MYH13: variants seen among roughly 807,000 people sequenced by gnomAD.
The protein encoded by MYH13 is myosin heavy chain 13.
In MYH13, 177 loss-of-function variants were observed where a neutral mutation model predicts 232.1. That is an observed-to-expected ratio of 0.76 (90% confidence interval 0.67 to 0.86). The LOEUF (loss-of-function observed/expected upper bound fraction) is 0.86. MYH13 is among the 40% of genes least tolerant of loss of function. The pLI is 0.00. For missense variants in MYH13, 2,246 were observed against 2,405.9 expected, an observed-to-expected ratio of 0.93 and a Z score of 1.39; for synonymous variants, 884 against 923.5, an observed-to-expected ratio of 0.96 and a Z score of 0.78.
chr17:10,350,414 C>A lies in MYH13; in HGVS notation c.1144+142G>T, dbSNP rs1597386858. 4 of 1,213,240 alleles carry A rather than the reference C, an allele frequency of 3.3e-6. No individual in the cohort carries two copies. In the African/African-American group the frequency reaches 4.6e-5, roughly 14 times the overall value. 75.2% of individuals were successfully genotyped at this position (1,213,240 alleles called of 1,614,324 possible). ...TGAGCAGACTTCCTAGTGCATGCTA[C>A]AATGAGCTTCAGGAAACCCAGATTT... On this transcript the variant is annotated intron_variant, in intron 12 of 40. Transcript: ENST00000252172.
At chr17:10,369,715 C>A (rs1210700758) in intron 2 of MYH13, among the ~76,000 whole-genome samples, 2 of 152,162 alleles carry the variant, frequency 1.3e-5, no homozygotes, top group Non-Finnish European at 2.9e-5. Context: ...TTCATTTACT[C>A]TAACCGTGAC....
chr17:10,343,258 T>C (rs1384275330), intron 16 of MYH13, among the ~76,000 whole-genome samples: 1 of 152,070 alleles, frequency 6.6e-6, no homozygotes, highest in African/African-American at 2.4e-5. Flanking sequence ...AGGGCAGTGA[T>C]GCAAACTCCA....
Position 10,340,337 on chromosome 17 carries a change from G to A in MYH13, c.1959C>T (p.Ala653=), listed in dbSNP as rs747383501. 8 of 1,613,718 alleles carry A rather than the reference G, an allele frequency of 5.0e-6. No individual in the cohort carries two copies. Among genetic ancestry groups the A allele is most frequent in the South Asian group, 1.1e-5 (1 of 91,008 alleles). Residue 653 remains alanine, a synonymous_variant, in exon 17 of 41, where the codon GCC becomes GCT. Transcript: ENST00000252172. The part of the protein sequence containing the change: ...KKGSSFQTVS[A]VFRENLNKLM... ...CTGCCAAAACACCAACCCTGAACAC[G>A]GCCGACACGGTCTGGAAAGAGGAGC...
At chr17:10,318,215 C>T (rs1046672687) in intron 27 of MYH13, among the ~76,000 whole-genome samples, 2 of 152,200 alleles carry the variant, frequency 1.3e-5, no homozygotes, top group Non-Finnish European at 2.9e-5. Flanking sequence ...GCAATCCAGC[C>T]TGGGGAACAA....
At chr17:10,331,197 T>C (rs2142245667) in intron 20 of MYH13, among the ~76,000 whole-genome samples, 1 of 152,246 alleles carries the variant, frequency 6.6e-6, no homozygotes, top group South Asian at 2.1e-4. Flanking sequence ...ATGCGTTGGC[T>C]TCACCCTCTT....
intron 39 of MYH13, 112 bp downstream of exon 39, chr17:10,303,084 A>G: frequency 1.2e-6 from 1 of 867,042 alleles, no homozygotes; most frequent in Non-Finnish European, 1.9e-6. Flanking sequence ...GCCTGCAAAT[A>G]CAAACTCAGG....
intron 33 of MYH13, 143 bp from the exon 34 acceptor site, chr17:10,309,973 G>C: frequency 1.5e-6 from 1 of 647,238 alleles, no homozygotes; most frequent in Non-Finnish European, 2.4e-6. Flanking sequence ...GTAGAGACAG[G>C]GTCTGTGTTG....
In MYH13 at chr17:10,306,656, A is replaced by T. The variant is rs1037575521; in HGVS notation, c.5296-27T>A. On this transcript the variant is annotated intron_variant, in intron 36 of 40. Coordinates refer to ENST00000252172, the MANE Select transcript of MYH13 (RefSeq NM_003802.3). The surrounding 1 kb of genome is among the most constrained non-coding windows in gnomAD (Gnocchi z 4.3). ...TGGTTAAGTTCACAGGACACATCAG[A>T]GGCCCTGTCCGCCCATCCCTACCCA... 11 of 1,613,160 alleles carry T rather than the reference A, an allele frequency of 6.8e-6. No individual in the cohort carries two copies. Among genetic ancestry groups the T allele is most frequent in the Non-Finnish European group, 9.3e-6 (11 of 1,179,822 alleles).
intron 24 of MYH13, 126 bp from the exon 25 acceptor site, chr17:10,320,622 C>G (rs900195306): frequency 1.9e-6 from 2 of 1,050,652 alleles, no homozygotes; most frequent in Non-Finnish European, 2.7e-6. Flanking sequence ...CTGCAAGCCT[C>G]TGGCCCCAGG....
chr17:10,355,034 A>G, intron 9 of MYH13, 41 bp from the exon 10 acceptor site: 1 of 1,610,802 alleles, frequency 6.2e-7, no homozygotes, highest in Non-Finnish European at 8.5e-7. Flanking sequence ...CTCCCAAGAG[A>G]TGCTTTTGTG....
intron 5 of MYH13, 91 bp from the exon 6 acceptor site, chr17:10,360,279 G>C (rs1221058137): frequency 7.0e-7 from 1 of 1,431,812 alleles, no homozygotes; most frequent in Non-Finnish European, 9.6e-7. Context: ...GAGAACATAG[G>C]CTCTAGTTAA....
rs1418924623 is a variant in MYH13, at chr17:10,328,009, C to T, written c.2548G>A (p.Glu850Lys). The T allele has an allele frequency of 3.7e-6, 6 of 1,614,162 alleles. No homozygotes were observed. The highest frequency in any genetic ancestry group is 2.2e-5 in the East Asian group (1 of 44,882). ...IKPLLKSAEA[E>K]KEMATMKEDF... ...TCCTTCATGGTGGCCATCTCCTTCT[C>T]GGCCTCTGCACTCTTCAGCAGGGGC... Residue 850 changes from glutamate (E) to lysine (K), a missense_variant, in exon 22 of 41, where the codon GAG (glutamate) becomes AAG (lysine). Glu to Lys is a moderately conservative substitution (Grantham distance 56). Coordinates refer to ENST00000252172, the MANE Select transcript of MYH13 (RefSeq NM_003802.3).
At chr17:10,349,835 C>T (rs536512629) in intron 12 of MYH13, among the ~76,000 whole-genome samples, 3 of 152,214 alleles carry the variant, frequency 2.0e-5, no homozygotes, top group South Asian at 2.1e-4. Context: ...GAGTTTAAAG[C>T]GCACTGCTTC....
chr17:10,370,918 T>C (rs2071873385), intron 2 of MYH13, among the ~76,000 whole-genome samples: 1 of 152,198 alleles, frequency 6.6e-6, no homozygotes, highest in African/African-American at 2.4e-5. Context: ...TTGGACCCTA[T>C]GAACATCATG....
chr17:10,337,631 C>T (rs1041255490), intron 18 of MYH13, among the ~76,000 whole-genome samples: 53 of 152,180 alleles, frequency 3.5e-4, no homozygotes, highest in African/African-American at 1.3e-3. Context: ...TCTAAGGTGT[C>T]ACCAGGCTTC....
In MYH13 at chr17:10,327,851, G is replaced by A. The variant is rs1476414727; in HGVS notation, c.2691+15C>T. The A allele has an allele frequency of 1.2e-6, 2 of 1,603,138 alleles. No homozygotes were observed. The highest frequency in any genetic ancestry group is 1.7e-6 in the Non-Finnish European group (2 of 1,177,442). On this transcript the variant is annotated intron_variant, in intron 22 of 40. Transcript: ENST00000252172. ...CAGAGTCTGTGTTTTGCGTTCTCAA[G>A]TAGAAGGTACTTACAGACTGGACCT... is the stretch of plus-strand genomic sequence containing the variant.
At position 10,362,433 on chromosome 17, in the gene MYH13, G is replaced by A. The variant is rs772199350; in HGVS notation, c.275C>T (p.Ala92Val). 6.2e-7 allele frequency: 1 copy of A among 1,614,190 alleles called. No homozygotes were observed. Among genetic ancestry groups the A allele is most frequent in the Non-Finnish European group, 8.5e-7 (1 of 1,180,034 alleles). The change falls in exon 4 of 41, where the codon GCC becomes GTC. Residue 92 changes from alanine to valine, a missense_variant. Coordinates refer to ENST00000252172, the MANE Select transcript of MYH13 (RefSeq NM_003802.3). ...PPKFDKIEDM[A>V]MMTHLHEPAV... ...AGGTTCATGCAGGTGAGTCATCATG[G>A]CCATGTCCTCGATCTTGTCAAATTT...
At chr17:10,349,014 T>TTCCTTC (rs1555551715) in intron 12 of MYH13, among the ~76,000 whole-genome samples, 8 of 150,712 alleles carry the variant, frequency 5.3e-5, no homozygotes, top group Non-Finnish European at 8.9e-5. Context: ...TTCCCTTCCC[T>TTCCTTC]TCCCTTCCTT....
At chr17:10,311,877 G>A (rs1376971869) in intron 32 of MYH13, 34 bp downstream of exon 32, 1 of 1,612,446 alleles carries the variant, frequency 6.2e-7, no homozygotes, top group South Asian at 1.1e-5. Flanking sequence ...AGGAGAGGGG[G>A]ACATAGCACA....
Sources: allele counts gnomAD v4.1 joint callset (sites outside exome capture counted in the v4.1 genomes callset), GRCh38; gene constraint gnomAD v4.1.1; non-coding constraint Gnocchi (gnomAD v3.1); transcripts MANE v1.5; gene names NCBI Gene and HGNC (gene_info 2026-07-23, HGNC 2026-07-21).